Variants in KIAA1328 observed in about 807,000 individuals in gnomAD.
KIAA1328 encodes the protein protein hinderin.
KIAA1328 carries 52 observed loss-of-function variants against 68.1 expected under a neutral mutation model. The ratio of observed to expected loss-of-function variants is 0.76; its 90% CI spans 0.61 to 0.96. The LOEUF (loss-of-function observed/expected upper bound fraction) is 0.96, where lower values mean the gene tolerates loss of function less well. KIAA1328 is among the 40% of genes least tolerant of loss of function. KIAA1328 has a pLI of 0.00. For missense variants in KIAA1328, 641 were observed against 677.6 expected (o/e 0.95, Z 0.60); for synonymous variants, 232 against 239.4 (o/e 0.97, Z 0.28).
intron 6 of KIAA1328, among the ~76,000 whole-genome samples, chr18:37,044,248 T>C (rs1371431670): frequency 6.6e-6 from 1 of 152,160 alleles, no homozygotes; most frequent in Non-Finnish European, 1.5e-5. Flanking sequence ...CTTTTCATCT[T>C]CATTAAGATT....
intron 4 of KIAA1328, among the ~76,000 whole-genome samples, chr18:36,847,257 A>G (rs1235580635): frequency 6.6e-6 from 1 of 151,458 alleles, no homozygotes; most frequent in African/African-American, 2.4e-5. Flanking sequence ...GCATGAACAT[A>G]ATTATTTTTC....
intron 6 of KIAA1328, among the ~76,000 whole-genome samples, chr18:36,969,816 G>T (rs188476430): frequency 2.6e-5 from 4 of 152,022 alleles, no homozygotes; most frequent in Non-Finnish European, 5.9e-5. Context: ...CCAAAACCTG[G>T]CAGAGACATA....
At chr18:37,058,669 G>T (rs1215220125) in intron 6 of KIAA1328, among the ~76,000 whole-genome samples, 1 of 151,960 alleles carries the variant, frequency 6.6e-6, no homozygotes, top group East Asian at 1.9e-4. Flanking sequence ...CCGAGATCAT[G>T]CCACTGCACT....
chr18:36,992,588 C>T (rs926349022), intron 6 of KIAA1328, among the ~76,000 whole-genome samples: 9 of 151,792 alleles, frequency 5.9e-5, no homozygotes, highest in Non-Finnish European at 1.3e-4. Flanking sequence ...CACAGCCATG[C>T]AGCAGTTCTG....
intron 4 of KIAA1328, among the ~76,000 whole-genome samples, chr18:36,861,437 A>G (rs1419941254): frequency 1.3e-5 from 2 of 152,130 alleles, no homozygotes; most frequent in African/African-American, 2.4e-5. Flanking sequence ...AGACTATTCA[A>G]ATATACTGTT....
At chr18:37,024,407 T>C (rs1466679286) in intron 6 of KIAA1328, among the ~76,000 whole-genome samples, 1 of 150,496 alleles carries the variant, frequency 6.6e-6, no homozygotes, top group East Asian at 1.9e-4. Context: ...CTTTAAGTTC[T>C]AGGGCACACG....
chr18:37,143,530 T>G (rs926762770), intron 7 of KIAA1328, among the ~76,000 whole-genome samples: 2 of 147,006 alleles, frequency 1.4e-5, no homozygotes, highest in Non-Finnish European at 3.0e-5. Flanking sequence ...TCTTTTTTTT[T>G]TTTTTTTTTT....
chr18:36,999,495 A>T (rs1443714894), intron 6 of KIAA1328, among the ~76,000 whole-genome samples: 5 of 152,228 alleles, frequency 3.3e-5, no homozygotes, highest in African/African-American at 9.6e-5. Flanking sequence ...AATAAAAAAT[A>T]GAGCAAATCC....
chr18:36,893,433 ATT>A (rs1279129796), intron 5 of KIAA1328, among the ~76,000 whole-genome samples: 3 of 132,866 alleles, frequency 2.3e-5, no homozygotes, highest in Admixed American at 1.6e-4. Flanking sequence ...CCACCTGGCT[ATT>A]TGTGTGTGTG....
chr18:36,859,934 TA>T (rs2047510140), intron 4 of KIAA1328, among the ~76,000 whole-genome samples: 1 of 151,130 alleles, frequency 6.6e-6, no homozygotes, highest in Non-Finnish European at 1.5e-5. Flanking sequence ...CTTTTTTTTT[TA>T]ATGTGTACTT....
rs1324559940 is a variant in KIAA1328 at position 37,165,909 on chromosome 18, A to C, written c.1414+5528A>C. Reference sequence around the variant, plus strand: ...GAGAAAGTTTCCTCCTAGTTTGCTGAAAGTCTTTGTCATAAAGGGGTGTTG... The same window carrying C: ...GAGAAAGTTTCCTCCTAGTTTGCTGCAAGTCTTTGTCATAAAGGGGTGTTG... On this transcript the variant is annotated intron_variant, in intron 8 of 9. Transcript: ENST00000280020. 2.6e-5 allele frequency among the ~76,000 whole-genome samples: 4 copies of C among 152,138 alleles called. No homozygotes were observed. The South Asian group carries it at 6.2e-4, about 24-fold the overall frequency.
Position 37,151,904 on chromosome 18 carries a change from T to G in KIAA1328, c.1233-8296T>G, listed in dbSNP as rs569567599. On this transcript the variant is annotated intron_variant, in intron 7 of 9. Coordinates refer to ENST00000280020, the MANE Select transcript of KIAA1328 (RefSeq NM_020776.3). Reference sequence around the variant, plus strand: ...CCATATGGGAACTGCACTGGTGTTGTGTGTTGGAGCTTGAGCAGAATGAGA... The same window carrying G: ...CCATATGGGAACTGCACTGGTGTTGGGTGTTGGAGCTTGAGCAGAATGAGA... Among the ~76,000 whole-genome samples, 357 of 151,976 alleles carry G rather than the reference T, an allele frequency of 2.3e-3. 1 individual carries two copies. The highest frequency in any genetic ancestry group is 3.5e-3 in the Non-Finnish European group (237 of 67,956).
intron 7 of KIAA1328, among the ~76,000 whole-genome samples, chr18:37,103,049 T>C (rs1309976901): frequency 2.0e-5 from 3 of 152,138 alleles, no homozygotes; most frequent in African/African-American, 7.2e-5. Context: ...CACAAATAAA[T>C]GGGAAGATGT....
intron 7 of KIAA1328, among the ~76,000 whole-genome samples, chr18:37,111,059 T>C (rs901891348): frequency 6.6e-6 from 1 of 152,170 alleles, no homozygotes; most frequent in African/African-American, 2.4e-5. Context: ...GGAAAGACTT[T>C]CTTTGTTACG....
At chr18:36,939,628 T>C (rs954497733) in intron 5 of KIAA1328, among the ~76,000 whole-genome samples, 4 of 152,188 alleles carry the variant, frequency 2.6e-5, no homozygotes, top group Non-Finnish European at 5.9e-5. Context: ...CAGCACTACG[T>C]TGAATAAAAG....
At chr18:36,893,146 T>C (rs1470075012) in intron 5 of KIAA1328, among the ~76,000 whole-genome samples, 1 of 152,178 alleles carries the variant, frequency 6.6e-6, no homozygotes, top group Non-Finnish European at 1.5e-5. Flanking sequence ...TAATAATGAG[T>C]TATATTTACA....
chr18:37,012,564 T>C (rs908677089), intron 6 of KIAA1328, among the ~76,000 whole-genome samples: 2 of 152,154 alleles, frequency 1.3e-5, no homozygotes, highest in African/African-American at 2.4e-5. Flanking sequence ...TTTATAATTA[T>C]ATGGAGGGAA....
intron 6 of KIAA1328, among the ~76,000 whole-genome samples, chr18:37,003,629 T>C (rs1402241315): frequency 6.6e-6 from 1 of 152,182 alleles, no homozygotes; most frequent in Non-Finnish European, 1.5e-5. Flanking sequence ...TTGTTGCATT[T>C]GCTTTTGGGT....
intron 9 of KIAA1328, among the ~76,000 whole-genome samples, chr18:37,220,835 G>T (rs1397683091): frequency 6.6e-6 from 1 of 152,128 alleles, no homozygotes; most frequent in Non-Finnish European, 1.5e-5. Flanking sequence ...TGGTTGGTTG[G>T]TTGGTTTTTT....
Sources: allele counts gnomAD v4.1 joint callset (sites outside exome capture counted in the v4.1 genomes callset), GRCh38; gene constraint gnomAD v4.1.1; transcripts MANE v1.5; gene names NCBI Gene and HGNC (gene_info 2026-07-23, HGNC 2026-07-21).